L3MBTL4: variants seen among roughly 807,000 people sequenced by gnomAD.
L3MBTL4 encodes the protein lethal(3)malignant brain tumor-like protein 4.
In L3MBTL4, 70 loss-of-function variants were observed where a neutral mutation model predicts 84.5. The observed-to-expected ratio is 0.83, with a 90% CI of 0.68 to 1.01. L3MBTL4 has a LOEUF of 1.01. Among genes scored for constraint, L3MBTL4 ranks in the 50% least tolerant of loss-of-function variants. The pLI, the probability that L3MBTL4 is intolerant of heterozygous loss-of-function variation, is 0.00. For missense variants in L3MBTL4, 715 were observed against 754.8 expected, an observed-to-expected ratio of 0.95 and a Z score of 0.62; for synonymous variants, 274 against 259.8, an observed-to-expected ratio of 1.05 and a Z score of -0.52.
At position 6,066,503 on chromosome 18, in the gene L3MBTL4, A is replaced by T. The variant is rs77593590; in HGVS notation, c.1444+14378T>A. Among the ~76,000 whole-genome samples the T allele has an allele frequency of 5.1e-4, 78 of 152,238 alleles. 2 individuals are homozygous for T. In the East Asian group the frequency reaches 0.011, roughly 22 times the overall value. Reference sequence around the variant, plus strand: ...GCTGTCTACCTTATTTCTTGGGTCTAGTAGTAATTATTTTATAAATCTGAG... The same window carrying T: ...GCTGTCTACCTTATTTCTTGGGTCTTGTAGTAATTATTTTATAAATCTGAG... On this transcript the variant is annotated intron_variant, in intron 16 of 18. Transcript: ENST00000317931.
At chr18:6,065,617 G>A (rs955168964) in intron 16 of L3MBTL4, among the ~76,000 whole-genome samples, 1 of 151,606 alleles carries the variant, frequency 6.6e-6, no homozygotes, top group African/African-American at 2.4e-5. Flanking sequence ...TTTCCTCTAG[G>A]GTTTCTAGTT....
At chr18:5,996,250 A>AT (rs1354928909) in intron 16 of L3MBTL4, among the ~76,000 whole-genome samples, 2 of 152,218 alleles carry the variant, frequency 1.3e-5, no homozygotes, top group East Asian at 3.9e-4. Flanking sequence ...GATGAATCTG[A>AT]TTTTTTCCGA....
intron 1 of L3MBTL4, among the ~76,000 whole-genome samples, chr18:6,340,229 C>A (rs886211086): frequency 6.6e-6 from 1 of 152,084 alleles, no homozygotes. Context: ...ACAAAAACAC[C>A]AATTTTGGCA....
intron 16 of L3MBTL4, among the ~76,000 whole-genome samples, chr18:6,015,860 T>C (rs1364415610): frequency 6.6e-6 from 1 of 152,154 alleles, no homozygotes. Context: ...CTCAGGAGGC[T>C]GAGGCAGGAG....
chr18:6,060,869 T>C (rs2057192294), intron 16 of L3MBTL4, among the ~76,000 whole-genome samples: 1 of 152,176 alleles, frequency 6.6e-6, no homozygotes, highest in Admixed American at 6.5e-5. Flanking sequence ...TTCCTTTGTA[T>C]GAATATATCC....
chr18:6,107,220 A>G lies in L3MBTL4; in HGVS notation c.1200-13692T>C, dbSNP rs577817545. Among the ~76,000 whole-genome samples the G allele has an allele frequency of 2.0e-5, 3 of 152,288 alleles. No homozygotes were observed. The South Asian group carries it at 6.2e-4, about 32-fold the overall frequency. Reference sequence around the variant, plus strand: ...TCCTAGTTTGCTGCAGAGGAGGCAGAGGCAGGTTCTTGAAATAGGACTAGC... The same window carrying G: ...TCCTAGTTTGCTGCAGAGGAGGCAGGGGCAGGTTCTTGAAATAGGACTAGC... On this transcript the variant is annotated intron_variant, in intron 14 of 18. Coordinates refer to ENST00000317931, the MANE Select transcript of L3MBTL4 (RefSeq NM_001330559.2).
intron 14 of L3MBTL4, among the ~76,000 whole-genome samples, chr18:6,127,459 G>T: frequency 6.6e-6 from 1 of 152,090 alleles, no homozygotes; most frequent in Non-Finnish European, 1.5e-5. Context: ...GAGAGAATAC[G>T]AAATAAAACC....
chr18:6,326,469 A>G (rs1200700446), intron 1 of L3MBTL4: 1 of 152,226 alleles, frequency 6.6e-6, no homozygotes, highest in Non-Finnish European at 1.5e-5. Context: ...CTGTCCCTCA[A>G]GCCAAAGTCC....
chr18:6,241,586 A>T, intron 7 of L3MBTL4, 137 bp from the exon 8 acceptor site: 1 of 546,812 alleles, frequency 1.8e-6, no homozygotes, highest in Non-Finnish European at 3.3e-6. Flanking sequence ...CTTTTGCACC[A>T]ACCTCATATG....
intron 4 of L3MBTL4, among the ~76,000 whole-genome samples, chr18:6,273,705 A>G (rs1029167479): frequency 1.3e-5 from 2 of 152,272 alleles, no homozygotes; most frequent in Non-Finnish European, 2.9e-5. Flanking sequence ...AAGAGTCCCA[A>G]CTGGCCTGGG....
chr18:6,391,752 A>ACTACTACTACTACTACTACT, intron 1 of L3MBTL4, among the ~76,000 whole-genome samples: 1 of 150,114 alleles, frequency 6.7e-6, no homozygotes, highest in Non-Finnish European at 1.5e-5. Flanking sequence ...CAACAACAAC[A>ACTACTACTACTACTACTACT]ACTACTACTA....
chr18:6,022,654 C>T (rs1407370631), intron 16 of L3MBTL4, among the ~76,000 whole-genome samples: 1 of 152,206 alleles, frequency 6.6e-6, no homozygotes, highest in Non-Finnish European at 1.5e-5. Flanking sequence ...ATCCCAACAA[C>T]ATCTCTGTAA....
chr18:6,306,128 G>T (rs1034978378), intron 3 of L3MBTL4, among the ~76,000 whole-genome samples: 1 of 152,170 alleles, frequency 6.6e-6, no homozygotes, highest in Admixed American at 6.5e-5. Context: ...TAACCCCAGT[G>T]ACAAACTGCT....
chr18:6,360,567 A>G (rs180679244), intron 1 of L3MBTL4, among the ~76,000 whole-genome samples: 33 of 152,314 alleles, frequency 2.2e-4, no homozygotes, highest in Admixed American at 5.9e-4. Flanking sequence ...TCAAAGGTTG[A>G]GCAGGAAGAA....
At chr18:6,380,635 G>C (rs778719399) in intron 1 of L3MBTL4, among the ~76,000 whole-genome samples, 2 of 152,144 alleles carry the variant, frequency 1.3e-5, no homozygotes, top group Non-Finnish European at 1.5e-5. Flanking sequence ...TTTTAAGTGA[G>C]TTTCTTAATC....
chr18:6,205,123 G>A (rs563274883), intron 12 of L3MBTL4, among the ~76,000 whole-genome samples: 48 of 152,294 alleles, frequency 3.2e-4, no homozygotes, highest in East Asian at 1.9e-4. Context: ...ACGAGGGATC[G>A]TCCTGGATTA....
intron 16 of L3MBTL4, among the ~76,000 whole-genome samples, chr18:6,003,297 G>A (rs1294323550): frequency 6.6e-6 from 1 of 151,152 alleles, no homozygotes; most frequent in Non-Finnish European, 1.5e-5. Context: ...AATAAAAAAG[G>A]TTACAAGAGA....
chr18:6,401,736 A>G (rs2055519676), intron 1 of L3MBTL4, among the ~76,000 whole-genome samples: 1 of 152,226 alleles, frequency 6.6e-6, no homozygotes, highest in Admixed American at 6.5e-5. Flanking sequence ...ATATTTGAAA[A>G]GCATCCCCAC....
chr18:6,118,732 A>G (rs1156697554), intron 14 of L3MBTL4, among the ~76,000 whole-genome samples: 1 of 152,224 alleles, frequency 6.6e-6, no homozygotes, highest in Non-Finnish European at 1.5e-5. Flanking sequence ...TCTACTCAGA[A>G]GAAACCCTTA....
Sources: allele counts gnomAD v4.1 joint callset (sites outside exome capture counted in the v4.1 genomes callset), GRCh38; gene constraint gnomAD v4.1.1; transcripts MANE v1.5; gene names NCBI Gene and HGNC (gene_info 2026-07-23, HGNC 2026-07-21).